The following PEMT variants were observed in gnomAD, a reference collection of about 807,000 sequenced individuals.
PEMT encodes the protein phospholipid methyltransferase.
In PEMT, 23 loss-of-function variants were observed where a neutral mutation model predicts 27.4. The observed-to-expected ratio is 0.84, with a 90% confidence interval of 0.60 to 1.19. PEMT has a LOEUF of 1.19. Among genes scored for constraint, PEMT ranks in the 50% most tolerant of loss-of-function variants. PEMT has a pLI of 0.00. For synonymous variants in PEMT, 137 were observed against 139.1 expected, an observed-to-expected ratio of 0.98 and a Z score of 0.11; for missense variants, 307 against 310.1, an observed-to-expected ratio of 0.99 and a Z score of 0.07.
Position 17,582,301 on chromosome 17 carries a change from C to T in PEMT, c.97-5274G>A. On this transcript the variant is annotated intron_variant, in intron 1 of 6. Transcript: ENST00000255389. The surrounding 1 kb of genome is among the most constrained non-coding windows in gnomAD (Gnocchi z 4.9). ...GAGGTCTGCTGAGCTGCAGGAATAG[C>T]TCGAGTCCCACAGGTCACCGACGAA... 1.0e-6 allele frequency: 1 copy of T among 985,538 alleles called. No homozygotes were observed. The highest frequency in any genetic ancestry group is 1.2e-6 in the Non-Finnish European group (1 of 829,994). The allele number at this position is 985,538 out of a possible 1,614,324, so 61.0% of individuals were successfully genotyped here.
chr17:17,546,419 C>T (rs1909265661), intron 2 of PEMT, among the ~76,000 whole-genome samples: 1 of 152,242 alleles, frequency 6.6e-6, no homozygotes, highest in Non-Finnish European at 1.5e-5. Flanking sequence ...AGGGCTTTCT[C>T]CACCACATTT....
intron 2 of PEMT, among the ~76,000 whole-genome samples, chr17:17,542,477 C>T (rs190678693): frequency 7.6e-4 from 115 of 152,310 alleles, no homozygotes; most frequent in African/African-American, 2.5e-3. Flanking sequence ...GATTACCTCC[C>T]GCCACCTCCA....
chr17:17,566,233 G>A (rs1262370137), intron 2 of PEMT, among the ~76,000 whole-genome samples: 1 of 152,226 alleles, frequency 6.6e-6, no homozygotes, highest in African/African-American at 2.4e-5. Flanking sequence ...GGCCTGGCAG[G>A]GAGTTTTACA....
At chr17:17,584,453 A>G (rs1235201932) in intron 1 of PEMT, among the ~76,000 whole-genome samples, 2 of 151,782 alleles carry the variant, frequency 1.3e-5, no homozygotes, top group African/African-American at 2.4e-5. Context: ...GAGCCACCGC[A>G]CCCGGCCCAA....
chr17:17,562,532 C>T (rs896949324), intron 2 of PEMT, among the ~76,000 whole-genome samples: 2 of 152,232 alleles, frequency 1.3e-5, no homozygotes, highest in African/African-American at 2.4e-5. Flanking sequence ...TGCCCCTGGC[C>T]GGGCACGGTG....
intron 1 of PEMT, 191 bp downstream of exon 1, chr17:17,591,340 C>G: frequency 3.5e-6 from 2 of 566,140 alleles, no homozygotes; most frequent in Non-Finnish European, 3.1e-6. Context: ...TACACGCGCG[C>G]GCACACGCAC....
chr17:17,571,708 T>G (rs1477851365), intron 2 of PEMT, among the ~76,000 whole-genome samples: 1 of 111,394 alleles, frequency 9.0e-6, no homozygotes, highest in Non-Finnish European at 1.9e-5. Flanking sequence ...TGTTTTGTTT[T>G]GGGTTTTTTT....
At chr17:17,524,084 G>A (rs549952609) in intron 2 of PEMT, among the ~76,000 whole-genome samples, 20 of 152,270 alleles carry the variant, frequency 1.3e-4, no homozygotes, top group South Asian at 2.1e-4. Flanking sequence ...GCCACAGTGC[G>A]TAAATGCACT....
At chr17:17,591,040 G>T (rs1912557547) in intron 1 of PEMT, among the ~76,000 whole-genome samples, 2 of 152,166 alleles carry the variant, frequency 1.3e-5, no homozygotes, top group African/African-American at 2.4e-5. Context: ...GCAAAAGCTG[G>T]CCTCCTGACC....
At chr17:17,575,628 C>T (rs1911534227) in intron 2 of PEMT, among the ~76,000 whole-genome samples, 2 of 152,196 alleles carry the variant, frequency 1.3e-5, no homozygotes, top group African/African-American at 4.8e-5. Flanking sequence ...GACGGTGTGG[C>T]TGAGAGTACA....
Position 17,561,159 on chromosome 17 carries a change from G to A in PEMT, c.204+15761C>T, listed in dbSNP as rs1227230222. On this transcript the variant is annotated intron_variant, in intron 2 of 6. Coordinates refer to ENST00000255389, the MANE Select transcript of PEMT (RefSeq NM_148172.3). The surrounding 1 kb of genome is among the most constrained non-coding windows in gnomAD (Gnocchi z 4.5). The stretch of plus-strand genomic sequence containing the variant: ...ATCAAACATTCACTGGGCACCGTGG[G>A]GCAGGGCCCAGAGGACAACAGCCAC... 6.6e-6 allele frequency among the ~76,000 whole-genome samples: 1 copy of A among 152,068 alleles called. No individual in the cohort carries two copies. The highest frequency in any genetic ancestry group is 1.5e-5 in the Non-Finnish European group (1 of 68,024).
intron 2 of PEMT, among the ~76,000 whole-genome samples, chr17:17,541,165 T>G (rs1908855179): frequency 6.6e-6 from 1 of 152,204 alleles, no homozygotes; most frequent in African/African-American, 2.4e-5. Context: ...TGCTGCTATA[T>G]AGAGCACCCA....
chr17:17,553,973 G>A (rs1197704805), intron 2 of PEMT, among the ~76,000 whole-genome samples: 2 of 152,176 alleles, frequency 1.3e-5, no homozygotes, highest in African/African-American at 4.8e-5. Flanking sequence ...GGGTGGGGTG[G>A]GGGGCTCCTC....
At chr17:17,565,633 G>T (rs1910779733) in intron 2 of PEMT, among the ~76,000 whole-genome samples, 1 of 152,264 alleles carries the variant, frequency 6.6e-6, no homozygotes, top group African/African-American at 2.4e-5. Flanking sequence ...ACACTGGAGA[G>T]CCCAACACCA....
intron 4 of PEMT, among the ~76,000 whole-genome samples, chr17:17,511,280 T>C (rs1242390): frequency 0.99 from 151,173 of 152,314 alleles, 75,073 homozygotes; most frequent in Middle Eastern, 1. Flanking sequence ...TCCTGGCTGC[T>C]GTCCCCCTTC....
At chr17:17,535,385 G>A (rs1310172629) in intron 2 of PEMT, among the ~76,000 whole-genome samples, 2 of 151,932 alleles carry the variant, frequency 1.3e-5, no homozygotes, top group East Asian at 1.9e-4. Context: ...GGCCAACGTG[G>A]CGAAACCCCG....
At chr17:17,591,413 CATTG>C in intron 1 of PEMT, 114 bp downstream of exon 1, 1 of 856,236 alleles carries the variant, frequency 1.2e-6, no homozygotes, top group Non-Finnish European at 1.8e-6. Flanking sequence ...GCCACGCCCC[CATTG>C]CCTGGGAACT....
intron 2 of PEMT, among the ~76,000 whole-genome samples, chr17:17,525,172 C>CA (rs1280615531): frequency 2.6e-5 from 4 of 152,182 alleles, no homozygotes; most frequent in African/African-American, 9.7e-5. Context: ...CTCAGCCTCC[C>CA]ATACAGCCCC....
At chr17:17,576,118 C>T (rs947240538) in intron 2 of PEMT, among the ~76,000 whole-genome samples, 3 of 152,106 alleles carry the variant, frequency 2.0e-5, no homozygotes, top group African/African-American at 2.4e-5. Context: ...GCAGGATCCC[C>T]GGGAAGCAGC....
Sources: gnomAD v4.1 joint callset for allele counts (sites outside exome capture counted in the v4.1 genomes callset) on GRCh38, gnomAD v4.1.1 for gene constraint, Gnocchi (gnomAD v3.1) non-coding constraint, MANE v1.5 for transcripts, NCBI Gene and HGNC (gene_info 2026-07-23, HGNC 2026-07-21) for gene names.